CDKAL1: variants seen among roughly 807,000 people sequenced by gnomAD.
The protein encoded by CDKAL1 is CDKAL1 threonylcarbamoyladenosine tRNA methylthiotransferase, also known as threonylcarbamoyladenosine tRNA methylthiotransferase.
Under a neutral mutation model 68.2 loss-of-function variants are expected in CDKAL1, and 32 were observed. The observed-to-expected ratio is 0.47, with a 90% CI of 0.35 to 0.63. CDKAL1 has a LOEUF of 0.63. Among genes scored for constraint, CDKAL1 ranks in the 30% least tolerant of loss-of-function variants. The pLI is 0.00. For synonymous variants in CDKAL1, 234 were observed against 244.3 expected (o/e 0.96, Z 0.39); for missense variants, 606 against 696.7 (o/e 0.87, Z 1.47).
chr6:20,575,600 A>C (rs1193505616), intron 4 of CDKAL1, among the ~76,000 whole-genome samples: 1 of 152,034 alleles, frequency 6.6e-6, no homozygotes, highest in African/African-American at 2.4e-5. Flanking sequence ...GGTCCAAGTT[A>C]TTTCTATGGT....
intron 8 of CDKAL1, among the ~76,000 whole-genome samples, chr6:20,793,103 A>G (rs1775965433): frequency 6.6e-6 from 1 of 152,154 alleles, no homozygotes; most frequent in African/African-American, 2.4e-5. Context: ...AGCATCACAT[A>G]TTGTTCTCAC....
chr6:20,819,031 G>A (rs1777165484), intron 8 of CDKAL1, among the ~76,000 whole-genome samples: 1 of 152,048 alleles, frequency 6.6e-6, no homozygotes, highest in African/African-American at 2.4e-5. Flanking sequence ...TGTTGAACTA[G>A]AGTTATTTTG....
At chr6:20,987,006 C>T (rs917188451) in intron 10 of CDKAL1, among the ~76,000 whole-genome samples, 2 of 152,114 alleles carry the variant, frequency 1.3e-5, no homozygotes, top group African/African-American at 4.8e-5. Context: ...GTATTTTGAC[C>T]TTTCCCATGA....
rs1317765947 is a variant in CDKAL1 at position 21,003,357 on chromosome 6, T to TAC, written c.1055+2986_1055+2987insCA. Reference sequence around the variant, plus strand: ...CATCTCTACTAAATATATATATATATATATATATATATATACACACACACA... The same window carrying TAC: ...CATCTCTACTAAATATATATATATATACATATATATATATATACACACACACA... On this transcript the variant is annotated intron_variant, in intron 11 of 15. Coordinates refer to ENST00000274695, the MANE Select transcript of CDKAL1 (RefSeq NM_017774.3). 2.7e-3 allele frequency among the ~76,000 whole-genome samples: 138 copies of TAC among 51,330 alleles called. 1 individual carries two copies. Among genetic ancestry groups the TAC allele is most frequent in the African/African-American group, 0.015 (124 of 8,116 alleles). The allele number at this position is 51,330 out of a possible 152,430, so 33.7% of individuals were successfully genotyped here.
intron 13 of CDKAL1, among the ~76,000 whole-genome samples, chr6:21,169,219 A>G (rs902691540): frequency 6.6e-6 from 1 of 152,252 alleles, no homozygotes; most frequent in Non-Finnish European, 1.5e-5. Flanking sequence ...CAGATATTAC[A>G]ATGCCATGCA....
chr6:21,117,775 A>G (rs1416030072), intron 13 of CDKAL1, among the ~76,000 whole-genome samples: 1 of 152,178 alleles, frequency 6.6e-6, no homozygotes, highest in Admixed American at 6.5e-5. Flanking sequence ...CAGCACCCAC[A>G]ATGGAATGAA....
At chr6:20,797,517 A>G (rs1776157746) in intron 8 of CDKAL1, among the ~76,000 whole-genome samples, 1 of 152,186 alleles carries the variant, frequency 6.6e-6, no homozygotes, top group African/African-American at 2.4e-5. Flanking sequence ...ACGTAAGTTC[A>G]CCCAAAAATC....
intron 13 of CDKAL1, among the ~76,000 whole-genome samples, chr6:21,166,568 C>G (rs1327670390): frequency 6.6e-6 from 1 of 152,096 alleles, no homozygotes; most frequent in Non-Finnish European, 1.5e-5. Flanking sequence ...CTTGATAGGC[C>G]AGGTCCTTTG....
At chr6:20,886,017 A>G (rs984220511) in intron 9 of CDKAL1, among the ~76,000 whole-genome samples, 14 of 152,188 alleles carry the variant, frequency 9.2e-5, no homozygotes, top group Admixed American at 9.2e-4. Context: ...AGCCTGAGAA[A>G]CAGAGCAAGA....
At chr6:21,014,960 T>C (rs990913944) in intron 11 of CDKAL1, among the ~76,000 whole-genome samples, 1 of 152,184 alleles carries the variant, frequency 6.6e-6, no homozygotes, top group South Asian at 2.1e-4. Flanking sequence ...TTATTTCAGT[T>C]TTTTCACATT....
chr6:21,211,086 A>G (rs956475578), intron 15 of CDKAL1, among the ~76,000 whole-genome samples: 1 of 152,232 alleles, frequency 6.6e-6, no homozygotes, highest in African/African-American at 2.4e-5. Context: ...GTCATGGGGA[A>G]CTGTCAATGT....
chr6:21,070,981 G>T (rs1211144833), intron 12 of CDKAL1, among the ~76,000 whole-genome samples: 3 of 152,152 alleles, frequency 2.0e-5, no homozygotes, highest in Non-Finnish European at 1.5e-5. Context: ...GTGAAGCACT[G>T]ATCTTGCTTA....
At chr6:21,110,551 A>C (rs1049033689) in intron 13 of CDKAL1, among the ~76,000 whole-genome samples, 1 of 152,178 alleles carries the variant, frequency 6.6e-6, no homozygotes, top group African/African-American at 2.4e-5. Flanking sequence ...GGTGTGGTTA[A>C]AGTTGGTTTA....
intron 7 of CDKAL1, among the ~76,000 whole-genome samples, chr6:20,778,766 A>T (rs545123799): frequency 6.6e-6 from 1 of 152,210 alleles, no homozygotes; most frequent in African/African-American, 2.4e-5. Context: ...TCTGGCTCGT[A>T]CAGACAGTCA....
intron 10 of CDKAL1, among the ~76,000 whole-genome samples, chr6:20,998,287 G>A (rs559787604): frequency 2.0e-5 from 3 of 152,164 alleles, no homozygotes; most frequent in Admixed American, 6.5e-5. Context: ...GCTCTGCCTC[G>A]CCCAGCTCCA....
intron 13 of CDKAL1, among the ~76,000 whole-genome samples, chr6:21,151,621 T>G (rs1404356317): frequency 2.0e-5 from 3 of 152,220 alleles, no homozygotes; most frequent in East Asian, 3.8e-4. Context: ...TTATTAGACT[T>G]TAATAGAAAA....
chr6:20,732,116 G>GCTCA, intron 5 of CDKAL1, among the ~76,000 whole-genome samples: 1 of 151,686 alleles, frequency 6.6e-6, no homozygotes, highest in South Asian at 2.1e-4. Flanking sequence ...CACAGTCGAA[G>GCTCA]CTCACTGCAG....
At chr6:21,166,497 G>A (rs1385639593) in intron 13 of CDKAL1, among the ~76,000 whole-genome samples, 1 of 152,144 alleles carries the variant, frequency 6.6e-6, no homozygotes, top group East Asian at 1.9e-4. Flanking sequence ...AGTGCCAGTG[G>A]AAAAGATGCT....
chr6:21,096,073 T>C (rs1773298579), intron 12 of CDKAL1, among the ~76,000 whole-genome samples: 1 of 152,244 alleles, frequency 6.6e-6, no homozygotes, highest in Non-Finnish European at 1.5e-5. Context: ...TACATTGTCA[T>C]GTCTGACCTT....
Sources: gnomAD v4.1 joint callset for allele counts (sites outside exome capture counted in the v4.1 genomes callset) on GRCh38, gnomAD v4.1.1 for gene constraint, MANE v1.5 for transcripts, NCBI Gene and HGNC (gene_info 2026-07-23, HGNC 2026-07-21) for gene names.